PIR: variants seen among roughly 807,000 people sequenced by gnomAD.
The protein encoded by PIR is pirin.
Under a neutral mutation model 24.2 loss-of-function variants are expected in PIR, and 22 were observed. The observed-to-expected ratio is 0.91, with a 90% CI of 0.65 to 1.30. PIR has a LOEUF of 1.30. Among genes scored for constraint, PIR ranks in the 50% most tolerant of loss-of-function variants. The pLI is 0.00. For synonymous variants in PIR, 80 were observed against 79.6 expected (o/e 1.00, Z -0.03); for missense variants, 220 against 220.3 (o/e 1.00, Z 0.01).
At chrX:15,428,715 C>A (rs1925403951) in intron 5 of PIR, among the ~76,000 whole-genome samples, 1 of 111,053 alleles carries the variant, frequency 9.0e-6, no homozygotes, top group Admixed American at 9.5e-5. Context: ...CGCCATGTTG[C>A]CCAGGCTGGT....
chrX:15,424,093 A>T (rs1925225213), intron 6 of PIR, among the ~76,000 whole-genome samples: 1 of 112,605 alleles, frequency 8.9e-6, no homozygotes, highest in Non-Finnish European at 1.9e-5. Context: ...AAAGAAATCA[A>T]TATATCAAAG....
chrX:15,401,169 C>T (rs1450227404), intron 7 of PIR, among the ~76,000 whole-genome samples: 1 of 110,332 alleles, frequency 9.1e-6, no homozygotes, highest in African/African-American at 3.4e-5. Flanking sequence ...CCTCCCACCT[C>T]AACCTCCCAA....
intron 4 of PIR, among the ~76,000 whole-genome samples, chrX:15,458,725 T>A (rs922200568): frequency 8.9e-6 from 1 of 112,767 alleles, no homozygotes; most frequent in Non-Finnish European, 1.9e-5. Context: ...GCAATCATCA[T>A]CCTAATCAAT....
At chrX:15,460,944 A>G (rs980990003) in intron 3 of PIR, among the ~76,000 whole-genome samples, 4 of 111,942 alleles carry the variant, frequency 3.6e-5, no homozygotes, top group African/African-American at 1.3e-4. Flanking sequence ...AAGTGTCAGG[A>G]GCAACTAAGA....
rs1018672294 is a variant in PIR, at chrX:15,386,736, T to C, written c.761-1620A>G. ...AATACTGGAGGGGATAGGGGTACAG[T>C]GGTGGAAGGAGGGATCAAAGGCGGA... On this transcript the variant is annotated intron_variant, in intron 9 of 9. Transcript: ENST00000380420. Among the ~76,000 whole-genome samples the C allele has an allele frequency of 4.6e-5, 5 of 109,871 alleles. No homozygotes were observed. The Admixed American group carries it at 4.9e-4, about 11-fold the overall frequency.
chrX:15,483,972 T>C (rs1467627305), intron 2 of PIR, among the ~76,000 whole-genome samples: 1 of 112,572 alleles, frequency 8.9e-6, no homozygotes. Flanking sequence ...GAAATACTTA[T>C]TGTTTCTTTG....
At chrX:15,471,901 GTTA>G (rs1921944082) in intron 3 of PIR, among the ~76,000 whole-genome samples, 2 of 112,432 alleles carry the variant, frequency 1.8e-5, no homozygotes, top group African/African-American at 6.5e-5. Flanking sequence ...GGAGGAGAAA[GTTA>G]TGCTTTTGAT....
intron 7 of PIR, among the ~76,000 whole-genome samples, chrX:15,401,480 A>G (rs753027880): frequency 2.9e-4 from 32 of 111,435 alleles, no homozygotes; most frequent in African/African-American, 1.0e-3. Context: ...ACAGAAAGCA[A>G]AGATTGATTC....
At chrX:15,460,950 T>A (rs1345442044) in intron 3 of PIR, among the ~76,000 whole-genome samples, 1 of 111,847 alleles carries the variant, frequency 8.9e-6, no homozygotes, top group African/African-American at 3.3e-5. Flanking sequence ...CAGGAGCAAC[T>A]AAGAGGAGTA....
chrX:15,491,171 G>A lies in PIR; in HGVS notation c.87C>T (p.Gly29=). ...GVGARVRRSI[G]RPELKNLDPF... ...CACCCAACTAGCATACCTCGGGTCT[G>A]CCAATGCTTCTCCGGACCCTCGCTC... The change falls in exon 2 of 10, where the codon GGC becomes GGT. Residue 29 remains glycine (G), a synonymous_variant. Coordinates refer to ENST00000380420, the MANE Select transcript of PIR (RefSeq NM_001018109.3). The A allele has an allele frequency of 1.7e-6, 2 of 1,194,868 alleles. No homozygotes were observed. The highest frequency in any genetic ancestry group is 2.3e-6 in the Non-Finnish European group (2 of 880,855).
At chrX:15,444,558 T>G (rs758992476) in intron 5 of PIR, among the ~76,000 whole-genome samples, 1 of 111,475 alleles carries the variant, frequency 9.0e-6, no homozygotes, top group African/African-American at 3.3e-5. Context: ...CTCCCTACAT[T>G]TGACTTCCAC....
At chrX:15,444,983 G>A (rs911559233) in intron 5 of PIR, among the ~76,000 whole-genome samples, 1 of 111,373 alleles carries the variant, frequency 9.0e-6, no homozygotes, top group Non-Finnish European at 1.9e-5. Flanking sequence ...AATGTTAAAG[G>A]AACCAAGATG....
At chrX:15,413,891 T>C (rs946622985) in intron 6 of PIR, among the ~76,000 whole-genome samples, 6 of 112,058 alleles carry the variant, frequency 5.4e-5, no homozygotes, top group Non-Finnish European at 9.4e-5. Context: ...CAGGATCCCA[T>C]ATTTTAAGTA....
At chrX:15,415,681 T>C (rs1924891078) in intron 6 of PIR, among the ~76,000 whole-genome samples, 1 of 111,938 alleles carries the variant, frequency 8.9e-6, no homozygotes, top group Admixed American at 9.5e-5. Flanking sequence ...TGTTAATTAG[T>C]TAAATTCAGT....
intron 8 of PIR, among the ~76,000 whole-genome samples, chrX:15,396,568 T>C (rs1924145273): frequency 9.0e-6 from 1 of 111,353 alleles, no homozygotes; most frequent in South Asian, 3.8e-4. Flanking sequence ...ACTCACAACA[T>C]GGTGACTGAA....
At chrX:15,421,915 T>G (rs950666848) in intron 6 of PIR, among the ~76,000 whole-genome samples, 1 of 111,631 alleles carries the variant, frequency 9.0e-6, no homozygotes, top group Non-Finnish European at 1.9e-5. Flanking sequence ...GCAAACTGAA[T>G]TCAACAGCAC....
At chrX:15,401,526 C>T (rs192209484) in intron 7 of PIR, among the ~76,000 whole-genome samples, 640 of 111,317 alleles carry the variant, frequency 5.7e-3, no homozygotes, top group Middle Eastern at 0.019. Context: ...TGTTATTCGC[C>T]CATCTGGTTA....
chrX:15,424,427 G>A, intron 6 of PIR, among the ~76,000 whole-genome samples: 1 of 104,448 alleles, frequency 9.6e-6, no homozygotes, highest in East Asian at 3.2e-4. Flanking sequence ...GATAAAGAGA[G>A]ATTGATTAAT....
At chrX:15,468,908 C>T (rs1444341336) in intron 3 of PIR, among the ~76,000 whole-genome samples, 1 of 112,563 alleles carries the variant, frequency 8.9e-6, no homozygotes, top group Non-Finnish European at 1.9e-5. Context: ...TTTGCCAAGA[C>T]TAAGAAACCA....
Sources: allele counts gnomAD v4.1 joint callset (sites outside exome capture counted in the v4.1 genomes callset), GRCh38; gene constraint gnomAD v4.1.1; transcripts MANE v1.5; gene names NCBI Gene and HGNC (gene_info 2026-07-23, HGNC 2026-07-21).